The following BIRC5 variants were observed in gnomAD, a reference collection of about 807,000 sequenced individuals.
The protein encoded by BIRC5 is baculoviral IAP repeat containing 5.
Under a neutral mutation model 15.8 loss-of-function variants are expected in BIRC5, and 8 were observed. The observed-to-expected ratio is 0.51, with a 90% CI of 0.30 to 0.91. The LOEUF is 0.91. Among genes scored for constraint, BIRC5 ranks in the 40% least tolerant of loss-of-function variants. The pLI, the probability that BIRC5 is intolerant of heterozygous loss-of-function variation, is 0.07. For missense variants in BIRC5, 163 were observed against 178.6 expected, an observed-to-expected ratio of 0.91 and a Z score of 0.50; for synonymous variants, 56 against 64.5, an observed-to-expected ratio of 0.87 and a Z score of 0.63.
At chr17:78,220,645 T>C (rs896560936) in intron 3 of BIRC5, among the ~76,000 whole-genome samples, 1 of 152,180 alleles carries the variant, frequency 6.6e-6, no homozygotes, top group African/African-American at 2.4e-5. Context: ...TTTTGTTTGT[T>C]TGTTTTCCCC....
rs752159319 is a variant in BIRC5, at chr17:78,215,581, G to A, written c.221+792G>A. ...ATATTCTTTTCTCACCTTTTTTTCT[G>A]TCGGATTCAGTTGCTTCCACAGCTT... is the stretch of plus-strand genomic sequence containing the variant. On this transcript the variant is annotated intron_variant, in intron 2 of 3. Coordinates refer to ENST00000350051, the MANE Select transcript of BIRC5 (RefSeq NM_001168.3). Among the ~76,000 whole-genome samples, 5 of 151,428 alleles carry A rather than the reference G, an allele frequency of 3.3e-5. 1 individual carries two copies. In the South Asian group the frequency reaches 8.3e-4, roughly 25 times the overall value.
chr17:78,219,106 ATGG>A (rs978678803), intron 3 of BIRC5, among the ~76,000 whole-genome samples: 4 of 152,114 alleles, frequency 2.6e-5, no homozygotes, highest in Non-Finnish European at 4.4e-5. Flanking sequence ...CCCCTATCCC[ATGG>A]TTTCTCAGGT....
rs1261549356 is a variant in BIRC5, at chr17:78,223,640, C to G, written c.*86C>G. ...TGGTGCCACCAGCCTTCCTGTGGGC[C>G]CCTTAGCAATGTCTTAGGAAAGGAG... On this transcript the variant is annotated 3_prime_UTR_variant, in exon 4 of 4. Coordinates refer to ENST00000350051, the MANE Select transcript of BIRC5 (RefSeq NM_001168.3). 6.3e-7 allele frequency: 1 copy of G among 1,587,354 alleles called. No homozygotes were observed. The highest frequency in any genetic ancestry group is 1.8e-5 in the Admixed American group (1 of 54,342).
intron 3 of BIRC5, among the ~76,000 whole-genome samples, chr17:78,220,095 G>C (rs866070846): frequency 6.7e-6 from 1 of 149,614 alleles, no homozygotes; most frequent in African/African-American, 2.5e-5. Context: ...AGTCTGGTAG[G>C]GGGAGTCCAC....
rs750450342 is a variant in BIRC5 at position 78,214,304 on chromosome 17, T to TGGC, written c.-3_-1dup. 1.4e-5 allele frequency: 22 copies of TGGC among 1,596,412 alleles called. No individual in the cohort carries two copies. The highest frequency in any genetic ancestry group is 1.8e-5 in the Non-Finnish European group (21 of 1,172,158). On this transcript the variant is annotated 5_prime_UTR_variant, in exon 1 of 4. Transcript: ENST00000350051. ...GAATCGCGGGACCCGTTGGCAGAGG[T>TGGC]GGCGGCGGCGGCATGGGTGCCCCGA... is the stretch of plus-strand genomic sequence containing the variant.
At position 78,223,555 on chromosome 17, in the gene BIRC5, G is replaced by A; in HGVS notation, c.*1G>A. ...CGAGCAGCTGGCTGCCATGGATTGA[G>A]GCCTCTGGCCGGAGCTGCCTGGTCC... On this transcript the variant is annotated 3_prime_UTR_variant, in exon 4 of 4. Coordinates refer to ENST00000350051, the MANE Select transcript of BIRC5 (RefSeq NM_001168.3). The A allele has an allele frequency of 1.9e-6, 3 of 1,613,842 alleles. No homozygotes were observed. Among genetic ancestry groups the A allele is most frequent in the Non-Finnish European group, 2.5e-6 (3 of 1,179,834 alleles).
At chr17:78,219,260 C>T (rs2076500520) in intron 3 of BIRC5, among the ~76,000 whole-genome samples, 1 of 152,200 alleles carries the variant, frequency 6.6e-6, no homozygotes, top group Non-Finnish European at 1.5e-5. Flanking sequence ...TCTTGGCTCA[C>T]TGCGACCTCC....
intron 2 of BIRC5, 144 bp from the exon 3 acceptor site, chr17:78,216,520 A>C: frequency 1.5e-6 from 1 of 681,286 alleles, no homozygotes; most frequent in Non-Finnish European, 2.6e-6. Flanking sequence ...CAAAGCACTG[A>C]TGCCATCAAC....
chr17:78,215,843 TC>T, intron 2 of BIRC5: 1 of 1,033,192 alleles, frequency 9.7e-7, no homozygotes, highest in Non-Finnish European at 1.2e-6. Flanking sequence ...GTAATGCAGT[TC>T]TGGTAACGGT....
intron 2 of BIRC5, among the ~76,000 whole-genome samples, chr17:78,215,669 G>GT (rs1263730767): frequency 2.0e-5 from 3 of 151,806 alleles, no homozygotes; most frequent in Admixed American, 6.6e-5. Context: ...GAGAGTAGCT[G>GT]TTTTTTTTCT....
intron 1 of BIRC5, 77 bp from the exon 2 acceptor site, chr17:78,214,603 C>T: frequency 7.1e-7 from 1 of 1,399,850 alleles, no homozygotes; most frequent in African/African-American, 1.4e-5. Context: ...CTGCTTTGTC[C>T]CCATCGAGGC....
At chr17:78,221,893 A>G (rs905791089) in intron 3 of BIRC5, among the ~76,000 whole-genome samples, 17 of 152,192 alleles carry the variant, frequency 1.1e-4, no homozygotes, top group Non-Finnish European at 2.4e-4. Context: ...TGTCCATCAC[A>G]GTCCATTATA....
At chr17:78,216,049 A>G in intron 2 of BIRC5, 2 of 895,692 alleles carry the variant, frequency 2.2e-6, no homozygotes, top group Non-Finnish European at 2.8e-6. Context: ...GGAGATCGAG[A>G]CCATCTTGGC....
intron 3 of BIRC5, among the ~76,000 whole-genome samples, chr17:78,219,084 T>C (rs1350600811): frequency 6.6e-6 from 1 of 152,210 alleles, no homozygotes; most frequent in Non-Finnish European, 1.5e-5. Flanking sequence ...CCTTGCTAAA[T>C]AGAGGTTAGA....
intron 2 of BIRC5, 43 bp from the exon 3 acceptor site, chr17:78,216,621 A>T: frequency 6.3e-7 from 1 of 1,580,274 alleles, no homozygotes; most frequent in Non-Finnish European, 8.7e-7. Flanking sequence ...CTGCCGCTTT[A>T]ATCCCTTCAG....
chr17:78,214,505 G>C (rs569729981), intron 1 of BIRC5, 78 bp downstream of exon 1: 11 of 1,377,960 alleles, frequency 8.0e-6, no homozygotes, highest in Non-Finnish European at 1.1e-5. Flanking sequence ...ACTGGGCCTC[G>C]GGGGTACAAG....
At chr17:78,215,509 T>C (rs1430060542) in intron 2 of BIRC5, among the ~76,000 whole-genome samples, 1 of 152,194 alleles carries the variant, frequency 6.6e-6, no homozygotes, top group Non-Finnish European at 1.5e-5. Context: ...TTAATGACAA[T>C]GAAATTCTGT....
At chr17:78,221,425 T>A (rs17882032) in intron 3 of BIRC5, among the ~76,000 whole-genome samples, 11,619 of 148,762 alleles carry the variant, frequency 0.078, 636 homozygotes, top group Middle Eastern at 0.2. Context: ...TAATTTTAAA[T>A]TTTTTTTTTT....
intron 3 of BIRC5, among the ~76,000 whole-genome samples, chr17:78,220,369 A>T (rs2661687): frequency 0.22 from 33,686 of 151,042 alleles, 4,027 homozygotes; most frequent in Non-Finnish European, 0.28. Context: ...TGGAGCTTGC[A>T]GTGAGCCGAG....
Sources: gnomAD v4.1 joint callset for allele counts (sites outside exome capture counted in the v4.1 genomes callset) on GRCh38, gnomAD v4.1.1 for gene constraint, MANE v1.5 for transcripts, NCBI Gene and HGNC (gene_info 2026-07-23, HGNC 2026-07-21) for gene names.